RAB20: variants seen among roughly 807,000 people sequenced by gnomAD.
RAB20 encodes the protein RAB20, member RAS oncogene family.
RAB20 carries 2 observed loss-of-function variants against 3.7 expected under a neutral mutation model. The observed-to-expected ratio is 0.54, with a 90% CI of 0.22 to 1.69. The LOEUF (loss-of-function observed/expected upper bound fraction) is 1.69, where lower values mean the gene tolerates loss of function less well. RAB20 is among the 40% of genes most tolerant of loss of function. The probability of loss-of-function intolerance (pLI) is 0.19; values close to 1 mark genes in which losing one functional copy is unlikely to be tolerated. For missense variants in RAB20, 276 were observed against 311.9 expected, an observed-to-expected ratio of 0.88 and a Z score of 0.87; for synonymous variants, 126 against 130.8, an observed-to-expected ratio of 0.96 and a Z score of 0.25.
intron 1 of RAB20, among the ~76,000 whole-genome samples, chr13:110,550,670 T>C (rs779612962): frequency 6.6e-6 from 1 of 152,160 alleles, no homozygotes; most frequent in Non-Finnish European, 1.5e-5. Context: ...AGTTTTTTCC[T>C]GAAACACATT....
At chr13:110,525,162 G>T (rs1884405443) in intron 1 of RAB20, among the ~76,000 whole-genome samples, 1 of 152,204 alleles carries the variant, frequency 6.6e-6, no homozygotes, top group African/African-American at 2.4e-5. Flanking sequence ...CGAGGTCGAT[G>T]TGGGCACACA....
intron 1 of RAB20, among the ~76,000 whole-genome samples, chr13:110,534,264 C>T (rs1884601318): frequency 6.6e-6 from 1 of 152,216 alleles, no homozygotes; most frequent in African/African-American, 2.4e-5. Context: ...TGCCTGAGCT[C>T]ACACACCCTC....
At position 110,561,647 on chromosome 13, in the gene RAB20, A is replaced by C; in HGVS notation, c.-128T>G. 7.1e-7 allele frequency: 1 copy of C among 1,409,614 alleles called. No homozygotes were observed. Among genetic ancestry groups the C allele is most frequent in the African/African-American group, 1.5e-5 (1 of 65,958 alleles). The allele number at this position is 1,409,614 out of a possible 1,614,324, so 87.3% of individuals were successfully genotyped here. ...CCCGGATTCTCGTGAACGCTCCGGGACCTTCGCCTCCGGACGCCCGGGAGC... is the reference window on the plus strand; with the variant it reads ...CCCGGATTCTCGTGAACGCTCCGGGCCCTTCGCCTCCGGACGCCCGGGAGC... On this transcript the variant is annotated 5_prime_UTR_variant, in exon 1 of 2. Coordinates refer to ENST00000267328, the MANE Select transcript of RAB20 (RefSeq NM_017817.3).
intron 1 of RAB20, among the ~76,000 whole-genome samples, chr13:110,528,207 G>A (rs986952283): frequency 1.3e-5 from 2 of 151,718 alleles, no homozygotes; most frequent in Non-Finnish European, 2.9e-5. Context: ...ACCTGAGTTC[G>A]GGAGTTCGAG....
intron 1 of RAB20, among the ~76,000 whole-genome samples, chr13:110,548,392 G>C (rs1185928151): frequency 1.3e-5 from 2 of 152,136 alleles, no homozygotes; most frequent in South Asian, 4.1e-4. Context: ...GCTGAGGCAG[G>C]AGAATTGCTT....
At chr13:110,533,719 C>T (rs950212022) in intron 1 of RAB20, among the ~76,000 whole-genome samples, 1 of 54,604 alleles carries the variant, frequency 1.8e-5, no homozygotes, top group Non-Finnish European at 3.4e-5. Flanking sequence ...AAGCAACCAT[C>T]CCCTCAGGAG....
intron 1 of RAB20, among the ~76,000 whole-genome samples, chr13:110,544,008 C>A (rs1367280647): frequency 6.6e-6 from 1 of 152,154 alleles, no homozygotes; most frequent in African/African-American, 2.4e-5. Flanking sequence ...CTCCTCCTGA[C>A]TTAAGCGATC....
rs57869715 is a variant in RAB20 at position 110,525,524 on chromosome 13, C to A, written c.173-1327G>T. Among the ~76,000 whole-genome samples, 1,109 of 152,344 alleles carry A rather than the reference C, an allele frequency of 7.3e-3. 15 individuals are homozygous for A. Among genetic ancestry groups the A allele is most frequent in the African/African-American group, 0.025 (1,042 of 41,572 alleles). ...CACCAGCAGGCGGCTCCCTGCCAGT[C>A]CACTCAAGGGCTACCTAGGAACTTT... On this transcript the variant is annotated intron_variant, in intron 1 of 1. Coordinates refer to ENST00000267328, the MANE Select transcript of RAB20 (RefSeq NM_017817.3).
chr13:110,532,659 G>C (rs1282568894), intron 1 of RAB20, among the ~76,000 whole-genome samples: 2 of 145,424 alleles, frequency 1.4e-5, no homozygotes, highest in Admixed American at 6.9e-5. Flanking sequence ...TTACAGGCGC[G>C]AGGCACCACG....
chr13:110,529,348 A>G (rs9588184), intron 1 of RAB20, among the ~76,000 whole-genome samples: 38,760 of 152,128 alleles, frequency 0.25, 5,072 homozygotes, highest in East Asian at 0.35. Context: ...TTTCCTGTCT[A>G]CAAGTATGGG....
intron 1 of RAB20, among the ~76,000 whole-genome samples, chr13:110,552,692 C>CAAATAAATAAATAAATAAAT: frequency 6.9e-6 from 1 of 144,766 alleles, no homozygotes; most frequent in African/African-American, 2.6e-5. Flanking sequence ...GACTCCATCT[C>CAAATAAATAAATAAATAAAT]AAATAAATAA....
intron 1 of RAB20, among the ~76,000 whole-genome samples, chr13:110,547,248 C>T (rs1236122017): frequency 1.3e-5 from 2 of 152,360 alleles, no homozygotes; most frequent in South Asian, 2.1e-4. Flanking sequence ...CCCAAACACA[C>T]TGAATCAGCT....
intron 1 of RAB20, among the ~76,000 whole-genome samples, chr13:110,547,511 T>C (rs1884874951): frequency 6.6e-6 from 1 of 152,236 alleles, no homozygotes; most frequent in South Asian, 2.1e-4. Flanking sequence ...TATTACCTTG[T>C]GTGAGTGAAT....
chr13:110,525,598 C>CA (rs1416718906), intron 1 of RAB20, among the ~76,000 whole-genome samples: 10 of 152,248 alleles, frequency 6.6e-5, no homozygotes, highest in African/African-American at 2.4e-4. Context: ...TCTGCATACT[C>CA]AGATGTGGAG....
chr13:110,549,865 A>G (rs1004414442), intron 1 of RAB20, among the ~76,000 whole-genome samples: 1 of 152,092 alleles, frequency 6.6e-6, no homozygotes, highest in African/African-American at 2.4e-5. Context: ...CTGGGACTAC[A>G]GGCACGCGCC....
At chr13:110,557,822 C>T (rs542476223) in intron 1 of RAB20, among the ~76,000 whole-genome samples, 2 of 152,370 alleles carry the variant, frequency 1.3e-5, no homozygotes, top group African/African-American at 2.4e-5. Context: ...GCCGCCAGGC[C>T]ACGGCCTTTA....
chr13:110,552,854 G>A (rs986415238), intron 1 of RAB20, among the ~76,000 whole-genome samples: 4 of 152,130 alleles, frequency 2.6e-5, no homozygotes, highest in African/African-American at 9.7e-5. Context: ...AGTTTCTCCT[G>A]AACCACAGTG....
chr13:110,536,171 A>T (rs1169277351), intron 1 of RAB20, among the ~76,000 whole-genome samples: 1 of 152,184 alleles, frequency 6.6e-6, no homozygotes, highest in African/African-American at 2.4e-5. Context: ...GCAGGCAAGG[A>T]CGGCCAGCAC....
chr13:110,551,030 G>T (rs148739093), intron 1 of RAB20, among the ~76,000 whole-genome samples: 2 of 152,078 alleles, frequency 1.3e-5, no homozygotes, highest in Non-Finnish European at 2.9e-5. Flanking sequence ...TCAATACATC[G>T]CTAAGAAAAT....
Sources: gnomAD v4.1 joint callset for allele counts (sites outside exome capture counted in the v4.1 genomes callset) on GRCh38, gnomAD v4.1.1 for gene constraint, MANE v1.5 for transcripts, NCBI Gene and HGNC (gene_info 2026-07-23, HGNC 2026-07-21) for gene names.